WBP1L: variants seen among roughly 807,000 people sequenced by gnomAD.
WBP1L encodes the protein WW domain binding protein 1-like.
WBP1L carries 17 observed loss-of-function variants against 33.7 expected under a neutral mutation model. The observed-to-expected ratio is 0.50, with a 90% CI of 0.34 to 0.76. The LOEUF (loss-of-function observed/expected upper bound fraction) is 0.76, where lower values mean the gene tolerates loss of function less well. Ranked by LOEUF, WBP1L falls within the 30% of genes least tolerant of loss-of-function variation. The pLI is 0.01. For missense variants in WBP1L, 389 were observed against 469.4 expected, an observed-to-expected ratio of 0.83 and a Z score of 1.58; for synonymous variants, 173 against 190.8, an observed-to-expected ratio of 0.91 and a Z score of 0.77.
At chr10:102,755,008 G>A (rs774370143) in intron 1 of WBP1L, among the ~76,000 whole-genome samples, 2 of 151,460 alleles carry the variant, frequency 1.3e-5, no homozygotes, top group African/African-American at 2.4e-5. Flanking sequence ...GGAGTGCATT[G>A]GCACGACCTT....
intron 1 of WBP1L, chr10:102,744,369 G>C (rs1038455352): frequency 1.0e-6 from 1 of 985,304 alleles, no homozygotes; most frequent in Non-Finnish European, 1.2e-6. Flanking sequence ...CGAGTGAGGG[G>C]CGTTTGAGAC....
Position 102,813,081 on chromosome 10 carries a change from G to T in WBP1L, c.842G>T (p.Gly281Val). Residue 281 changes from glycine (G) to valine (V), a missense_variant, in exon 4 of 4, where the codon GGC becomes GTC. Transcript: ENST00000448841. ...SGIEVCVCNRGHHDDDLKEFN... is the reference protein window; with the variant it reads ...SGIEVCVCNRVHHDDDLKEFN... Reference sequence around the variant, plus strand: ...ATTGAAGTGTGTGTGTGCAACCGGGGCCACCATGACGATGACCTCAAAGAG... The same window carrying T: ...ATTGAAGTGTGTGTGTGCAACCGGGTCCACCATGACGATGACCTCAAAGAG... 6.2e-7 allele frequency: 1 copy of T among 1,613,858 alleles called. No homozygotes were observed. Among genetic ancestry groups the T allele is most frequent in the Non-Finnish European group, 8.5e-7 (1 of 1,180,032 alleles).
chr10:102,778,831 G>A (rs185346171), intron 1 of WBP1L, among the ~76,000 whole-genome samples: 2 of 152,188 alleles, frequency 1.3e-5, no homozygotes, highest in African/African-American at 4.8e-5. Context: ...TCGTACATAT[G>A]TATGCACTTT....
At chr10:102,768,401 C>T (rs1843141499) in intron 1 of WBP1L, among the ~76,000 whole-genome samples, 1 of 36,806 alleles carries the variant, frequency 2.7e-5, no homozygotes. Flanking sequence ...TTTTTTGAGA[C>T]GGAGTCTCGC....
rs1250241525 is a variant in WBP1L, at chr10:102,812,889, C to T, written c.650C>T (p.Pro217Leu). Residue 217 changes from proline (P) to leucine (L), a missense_variant, in exon 4 of 4, where the codon CCC becomes CTC. Coordinates refer to ENST00000448841, the MANE Select transcript of WBP1L (RefSeq NM_001083913.2). ...RAATKAPGME[P>L]SGSVAGLGEL... Reference sequence around the variant, plus strand: ...GCCACCAAAGCCCCAGGGATGGAGCCCAGTGGCTCTGTGGCTGGCCTGGGG... The same window carrying T: ...GCCACCAAAGCCCCAGGGATGGAGCTCAGTGGCTCTGTGGCTGGCCTGGGG... 1 of 1,576,610 alleles carries T rather than the reference C, an allele frequency of 6.3e-7. No individual in the cohort carries two copies.
At position 102,767,618 on chromosome 10, in the gene WBP1L, C is replaced by T. The variant is rs1011009046; in HGVS notation, c.90+23475C>T. Among the ~76,000 whole-genome samples the T allele has an allele frequency of 2.6e-5, 4 of 152,198 alleles. No homozygotes were observed. In the South Asian group the frequency reaches 6.2e-4, roughly 24 times the overall value. ...ACTCTTTCTGGCCCACTTTGGAGAC[C>T]GAGAGCAGGATTCTGTGAGGTTGAG... On this transcript the variant is annotated intron_variant, in intron 1 of 3. Coordinates refer to ENST00000448841, the MANE Select transcript of WBP1L (RefSeq NM_001083913.2).
At chr10:102,760,042 G>T (rs1843018218) in intron 1 of WBP1L, among the ~76,000 whole-genome samples, 1 of 152,192 alleles carries the variant, frequency 6.6e-6, no homozygotes, top group African/African-American at 2.4e-5. Flanking sequence ...TTTAATTACA[G>T]CCATGCTAGT....
intron 1 of WBP1L, among the ~76,000 whole-genome samples, chr10:102,791,492 A>G (rs1261014390): frequency 1.3e-5 from 2 of 152,128 alleles, no homozygotes; most frequent in Non-Finnish European, 1.5e-5. Context: ...GGAGAACTGA[A>G]CATTTCCATT....
At chr10:102,810,417 CCCTG>C (rs201089631) in intron 3 of WBP1L, among the ~76,000 whole-genome samples, 1,317 of 114,608 alleles carry the variant, frequency 0.011, 31 homozygotes, top group African/African-American at 0.04. Flanking sequence ...TTCTTTCTTT[CCCTG>C]CCTGCCTGCC....
chr10:102,759,577 C>T (rs1326873713), intron 1 of WBP1L, among the ~76,000 whole-genome samples: 2 of 152,156 alleles, frequency 1.3e-5, no homozygotes, highest in Non-Finnish European at 2.9e-5. Flanking sequence ...ATTTATTCAT[C>T]AATTGATGAA....
At chr10:102,756,089 G>C (rs1842972600) in intron 1 of WBP1L, among the ~76,000 whole-genome samples, 1 of 151,034 alleles carries the variant, frequency 6.6e-6, no homozygotes, top group Admixed American at 6.6e-5. Flanking sequence ...AACATTGTTT[G>C]GTATGGGTAG....
chr10:102,771,287 TG>T (rs1843183076), intron 1 of WBP1L, among the ~76,000 whole-genome samples: 1 of 152,172 alleles, frequency 6.6e-6, no homozygotes, highest in Admixed American at 6.5e-5. Flanking sequence ...TACGGCACAG[TG>T]GTTCGTGCCT....
At chr10:102,774,606 C>G (rs1041918940) in intron 1 of WBP1L, among the ~76,000 whole-genome samples, 1 of 152,332 alleles carries the variant, frequency 6.6e-6, no homozygotes, top group African/African-American at 2.4e-5. Flanking sequence ...TGGCACCTCA[C>G]TGTGCTGTAC....
intron 1 of WBP1L, among the ~76,000 whole-genome samples, chr10:102,756,107 T>C (rs1842973026): frequency 6.6e-6 from 1 of 151,054 alleles, no homozygotes; most frequent in Non-Finnish European, 1.5e-5. Context: ...TAGGGTTCTT[T>C]ATTTGTTTTA....
chr10:102,747,611 C>G (rs1194946597), intron 1 of WBP1L, among the ~76,000 whole-genome samples: 1 of 152,084 alleles, frequency 6.6e-6, no homozygotes, highest in Non-Finnish European at 1.5e-5. Flanking sequence ...ACTGCAGCCT[C>G]GACCTCCCAG....
chr10:102,780,416 G>A (rs1199550425), intron 1 of WBP1L, among the ~76,000 whole-genome samples: 1 of 152,158 alleles, frequency 6.6e-6, no homozygotes, highest in African/African-American at 2.4e-5. Context: ...CTAACAAAGG[G>A]ATTACTAATT....
chr10:102,784,465 G>A lies in WBP1L; in HGVS notation c.91-13528G>A, dbSNP rs1432933476. Reference sequence around the variant, plus strand: ...TTTTGAGACAGAGTCTTGCTCTGTCGCCCAGGCTGGAGTGCAGTGGCACAA... The same window carrying A: ...TTTTGAGACAGAGTCTTGCTCTGTCACCCAGGCTGGAGTGCAGTGGCACAA... On this transcript the variant is annotated intron_variant, in intron 1 of 3. Coordinates refer to ENST00000448841, the MANE Select transcript of WBP1L (RefSeq NM_001083913.2). Among the ~76,000 whole-genome samples the A allele has an allele frequency of 1.6e-4, 20 of 125,182 alleles. No homozygotes were observed. The South Asian group carries it at 2.0e-3, about 13-fold the overall frequency. 82.1% of individuals were successfully genotyped at this position (125,182 alleles called of 152,430 possible).
At chr10:102,796,249 GC>G (rs1456221002) in intron 1 of WBP1L, among the ~76,000 whole-genome samples, 2 of 152,128 alleles carry the variant, frequency 1.3e-5, no homozygotes, top group Non-Finnish European at 2.9e-5. Flanking sequence ...TGTTGTGAGG[GC>G]CTCATTGTCA....
At chr10:102,749,361 C>T (rs1286463272) in intron 1 of WBP1L, among the ~76,000 whole-genome samples, 3 of 152,148 alleles carry the variant, frequency 2.0e-5, no homozygotes, top group Non-Finnish European at 4.4e-5. Flanking sequence ...GCTTTGAACT[C>T]CTGGGCTCAA....
Sources: allele counts gnomAD v4.1 joint callset (sites outside exome capture counted in the v4.1 genomes callset), GRCh38; gene constraint gnomAD v4.1.1; transcripts MANE v1.5; gene names NCBI Gene and HGNC (gene_info 2026-07-23, HGNC 2026-07-21).